Variants in ZNF354B observed in about 807,000 individuals in gnomAD.
The protein encoded by ZNF354B is zinc finger protein 354B.
In ZNF354B, 10 loss-of-function variants were observed where a neutral mutation model predicts 12.9. The ratio of observed to expected loss-of-function variants is 0.77; its 90% CI spans 0.48 to 1.31. ZNF354B has a LOEUF of 1.31. Ranked by LOEUF, ZNF354B falls within the 40% of genes most tolerant of loss-of-function variation. The pLI is 0.00. For missense variants in ZNF354B, 614 were observed against 711.7 expected, an observed-to-expected ratio of 0.86 and a Z score of 1.56; for synonymous variants, 260 against 243.7, an observed-to-expected ratio of 1.07 and a Z score of -0.62.
intron 4 of ZNF354B, among the ~76,000 whole-genome samples, chr5:178,871,351 G>T (rs76295216): frequency 1.3e-5 from 2 of 152,138 alleles, no homozygotes; most frequent in South Asian, 2.1e-4. Context: ...ACTGTTCTTC[G>T]TGGCAGTCAT....
chr5:178,876,298 G>A (rs1384370798), intron 4 of ZNF354B, among the ~76,000 whole-genome samples: 2 of 152,218 alleles, frequency 1.3e-5, no homozygotes, highest in East Asian at 3.9e-4. Context: ...GTCTGGCCGC[G>A]TTTTGTGAGG....
intron 2 of ZNF354B, among the ~76,000 whole-genome samples, chr5:178,863,346 T>C (rs1757392918): frequency 6.6e-6 from 1 of 152,164 alleles, no homozygotes; most frequent in Admixed American, 6.6e-5. Context: ...CATAATGACA[T>C]TTTGGTCAAT....
chr5:178,868,980 A>T (rs1757511104), intron 4 of ZNF354B, among the ~76,000 whole-genome samples: 1 of 152,120 alleles, frequency 6.6e-6, no homozygotes. Flanking sequence ...TCAAAAAAAA[A>T]AAAAAAAGAA....
chr5:178,869,266 G>C (rs1175417654), intron 4 of ZNF354B, among the ~76,000 whole-genome samples: 1 of 152,228 alleles, frequency 6.6e-6, no homozygotes, highest in Non-Finnish European at 1.5e-5. Context: ...CTGCACGGCA[G>C]GCAGCTTTGG....
intron 2 of ZNF354B, among the ~76,000 whole-genome samples, chr5:178,864,401 G>A (rs1380263062): frequency 6.6e-6 from 1 of 152,094 alleles, no homozygotes; most frequent in Non-Finnish European, 1.5e-5. Context: ...GTGTGTGGGA[G>A]GCCATACCAT....
chr5:178,879,665 C>T (rs1053628021), intron 4 of ZNF354B, among the ~76,000 whole-genome samples: 7 of 152,180 alleles, frequency 4.6e-5, no homozygotes, highest in Admixed American at 2.0e-4. Context: ...AGGTGTGAGC[C>T]GCCGTGCCTG....
chr5:178,860,258 G>A (rs1269926235), intron 1 of ZNF354B, 131 bp downstream of exon 1: 3 of 140,852 alleles, frequency 2.1e-5, no homozygotes, highest in African/African-American at 7.6e-5. Context: ...CCCCGCGCCA[G>A]GACTTGGACT....
Position 178,866,420 on chromosome 5 carries a change from A to G in ZNF354B, c.160+50A>G, listed in dbSNP as rs893356144. The G allele has an allele frequency of 5.1e-6, 8 of 1,582,540 alleles. No homozygotes were observed. The African/African-American group carries it at 5.4e-5, about 11-fold the overall frequency. ...CAGAATTCAAAAATTGGGATATCTC[A>G]GCACCTCCTTCCCTGAATAAAAGCA... On this transcript the variant is annotated intron_variant, in intron 3 of 4. Coordinates refer to ENST00000322434, the MANE Select transcript of ZNF354B (RefSeq NM_058230.3).
chr5:178,875,323 T>C (rs1009778039), intron 4 of ZNF354B, among the ~76,000 whole-genome samples: 2 of 152,136 alleles, frequency 1.3e-5, no homozygotes, highest in Non-Finnish European at 2.9e-5. Context: ...GCCTCTACCC[T>C]AAAGAGATGC....
At chr5:178,860,468 C>T (rs1009371357) in intron 1 of ZNF354B, among the ~76,000 whole-genome samples, 2 of 152,154 alleles carry the variant, frequency 1.3e-5, no homozygotes, top group Non-Finnish European at 2.9e-5. Flanking sequence ...GTCCCCAGGA[C>T]GGCCACTCCT....
chr5:178,865,994 T>C (rs889474594), intron 2 of ZNF354B, among the ~76,000 whole-genome samples: 2 of 152,226 alleles, frequency 1.3e-5, no homozygotes, highest in Non-Finnish European at 2.9e-5. Context: ...ATTATTCTAA[T>C]TAAGGGTCCC....
At chr5:178,862,362 C>CTTTT (rs769224561) in intron 2 of ZNF354B, among the ~76,000 whole-genome samples, 8,961 of 105,442 alleles carry the variant, frequency 0.085, 509 homozygotes, top group Non-Finnish European at 0.1. Context: ...GTGGCATTAT[C>CTTTT]TTTTTTTTTT....
chr5:178,873,899 T>C (rs1581813164), intron 4 of ZNF354B, among the ~76,000 whole-genome samples: 1 of 152,110 alleles, frequency 6.6e-6, no homozygotes, highest in African/African-American at 2.4e-5. Context: ...GTCTTTTTTA[T>C]TTTCTTCCAT....
At chr5:178,881,574 C>G (rs553947819) in intron 4 of ZNF354B, among the ~76,000 whole-genome samples, 1 of 152,234 alleles carries the variant, frequency 6.6e-6, no homozygotes, top group East Asian at 1.9e-4. Context: ...TGTAAATTTA[C>G]TGTGATTCTT....
At chr5:178,862,128 A>G (rs1757364103) in intron 2 of ZNF354B, among the ~76,000 whole-genome samples, 1 of 152,168 alleles carries the variant, frequency 6.6e-6, no homozygotes, top group African/African-American at 2.4e-5. Flanking sequence ...ATACCAGGGA[A>G]TGGGCTGAGG....
chr5:178,875,157 C>A (rs1421109911), intron 4 of ZNF354B, among the ~76,000 whole-genome samples: 1 of 152,158 alleles, frequency 6.6e-6, no homozygotes, highest in Non-Finnish European at 1.5e-5. Context: ...CTCTCCCACT[C>A]GAGTGCTGGC....
At chr5:178,881,306 C>T (rs1219523312) in intron 4 of ZNF354B, among the ~76,000 whole-genome samples, 1 of 151,824 alleles carries the variant, frequency 6.6e-6, no homozygotes, top group Admixed American at 6.6e-5. Flanking sequence ...CAAAAGTATG[C>T]TGCTAAACAT....
intron 4 of ZNF354B, among the ~76,000 whole-genome samples, chr5:178,870,804 A>G (rs566055441): frequency 6.6e-6 from 1 of 152,210 alleles, no homozygotes; most frequent in East Asian, 1.9e-4. Context: ...TGTGGCCACA[A>G]TGCCCTGTAG....
chr5:178,883,072 T>G lies in ZNF354B; in HGVS notation c.620T>G (p.Ile207Ser), dbSNP rs144838417. 1 of 1,605,310 alleles carries G rather than the reference T, an allele frequency of 6.2e-7. No individual in the cohort carries two copies. Among genetic ancestry groups the G allele is most frequent in the Non-Finnish European group, 8.5e-7 (1 of 1,177,868 alleles). ...QNSNLLNQSK[I>S]KTAEKRYKCS... is the part of the protein sequence containing the mutation. The stretch of plus-strand genomic sequence containing the variant: ...TCAAATTTACTTAACCAATCAAAAA[T>G]CAAAACAGCAGAGAAACGCTATAAA... Residue 207 changes from isoleucine to serine, a missense_variant, in exon 5 of 5, where the codon ATC (isoleucine) becomes AGC (serine). Coordinates refer to ENST00000322434, the MANE Select transcript of ZNF354B (RefSeq NM_058230.3).
Sources: gnomAD v4.1 joint callset for allele counts (sites outside exome capture counted in the v4.1 genomes callset) on GRCh38, gnomAD v4.1.1 for gene constraint, MANE v1.5 for transcripts, NCBI Gene and HGNC (gene_info 2026-07-23, HGNC 2026-07-21) for gene names.